CDIN1: variants seen among roughly 807,000 people sequenced by gnomAD.
CDIN1 encodes the protein CDAN1 interacting nuclease 1.
Under a neutral mutation model 45.3 loss-of-function variants are expected in CDIN1, and 33 were observed. The observed-to-expected ratio is 0.73, with a 90% CI of 0.55 to 0.97. CDIN1 has a LOEUF of 0.97. Among genes scored for constraint, CDIN1 ranks in the 50% least tolerant of loss-of-function variants. The probability of loss-of-function intolerance (pLI) is 0.00; values close to 1 mark genes in which losing one functional copy is unlikely to be tolerated. For missense variants in CDIN1, 303 were observed against 339.4 expected (o/e 0.89, Z 0.84); for synonymous variants, 118 against 124.4 (o/e 0.95, Z 0.34).
At chr15:36,796,403 G>C (rs1478150159) in intron 10 of CDIN1, among the ~76,000 whole-genome samples, 2 of 152,304 alleles carry the variant, frequency 1.3e-5, no homozygotes, top group East Asian at 3.9e-4. Context: ...ACATTTACTA[G>C]AATGCCTTAC....
intron 1 of CDIN1, among the ~76,000 whole-genome samples, chr15:36,599,589 G>T (rs1320803875): frequency 3.3e-5 from 5 of 152,210 alleles, no homozygotes; most frequent in Non-Finnish European, 7.3e-5. Context: ...TACAACATAT[G>T]TTGAGCTGCT....
chr15:36,783,562 A>T (rs1023412181), intron 10 of CDIN1, among the ~76,000 whole-genome samples: 3 of 152,126 alleles, frequency 2.0e-5, no homozygotes, highest in Non-Finnish European at 4.4e-5. Context: ...ATTATTTTTT[A>T]AATTGTTTCA....
At chr15:36,678,370 T>C (rs564684225) in intron 5 of CDIN1, among the ~76,000 whole-genome samples, 1 of 152,192 alleles carries the variant, frequency 6.6e-6, no homozygotes, top group Non-Finnish European at 1.5e-5. Flanking sequence ...TAAACCATCA[T>C]TGGAAGAAAA....
chr15:36,681,491 G>A (rs2041849612), intron 5 of CDIN1, among the ~76,000 whole-genome samples: 2 of 152,082 alleles, frequency 1.3e-5, no homozygotes, highest in Non-Finnish European at 2.9e-5. Flanking sequence ...AGAGAATAGA[G>A]GACAAAGCTG....
chr15:36,687,613 A>T (rs549619070), intron 5 of CDIN1, among the ~76,000 whole-genome samples: 2 of 152,308 alleles, frequency 1.3e-5, no homozygotes, highest in East Asian at 3.9e-4. Flanking sequence ...ACCCAACAGT[A>T]TAGTCTCCAA....
At position 36,596,962 on chromosome 15, in the gene CDIN1, A is replaced by G. The variant is rs552023371; in HGVS notation, c.101+17001A>G. Among the ~76,000 whole-genome samples, 3 of 152,334 alleles carry G rather than the reference A, an allele frequency of 2.0e-5. No individual in the cohort carries two copies. The South Asian group carries it at 6.2e-4, about 32-fold the overall frequency. On this transcript the variant is annotated intron_variant, in intron 1 of 10. Coordinates refer to ENST00000566621, the MANE Select transcript of CDIN1 (RefSeq NM_001321759.2). ...ATGTCTTAAACACACTTACATTTTT[A>G]TAACACGTGGCAATATTAAATAATA...
chr15:36,699,785 G>C (rs1033783048), intron 8 of CDIN1, among the ~76,000 whole-genome samples: 1 of 152,098 alleles, frequency 6.6e-6, no homozygotes, highest in Non-Finnish European at 1.5e-5. Context: ...CTGAGCAGTT[G>C]TTATGGCACA....
intron 10 of CDIN1, among the ~76,000 whole-genome samples, chr15:36,744,787 T>A (rs959845696): frequency 1.2e-4 from 19 of 152,292 alleles, no homozygotes; most frequent in Admixed American, 1.2e-3. Context: ...ACTGCTGTTT[T>A]GTGTACAGCT....
At chr15:36,650,187 C>T (rs905726358) in intron 3 of CDIN1, among the ~76,000 whole-genome samples, 1 of 152,288 alleles carries the variant, frequency 6.6e-6, no homozygotes, top group African/African-American at 2.4e-5. Flanking sequence ...GCAGATCTGA[C>T]CAACTGTGTG....
chr15:36,759,450 A>G (rs1362910884), intron 10 of CDIN1, among the ~76,000 whole-genome samples: 7 of 152,192 alleles, frequency 4.6e-5, no homozygotes, highest in Admixed American at 2.6e-4. Flanking sequence ...ACAATTGCTC[A>G]GATAAATATG....
chr15:36,745,872 A>G (rs113311673), intron 10 of CDIN1, among the ~76,000 whole-genome samples: 5,641 of 152,162 alleles, frequency 0.037, 352 homozygotes, highest in African/African-American at 0.13. Context: ...AGGCTAAGGC[A>G]GGAGAATCGC....
rs1423510969 is a variant in CDIN1, at chr15:36,705,892, A to G, written c.545-3331A>G. On this transcript the variant is annotated intron_variant, in intron 8 of 10. Coordinates refer to ENST00000566621, the MANE Select transcript of CDIN1 (RefSeq NM_001321759.2). ...ATTCCCAACCATTTGTGGAAGTCAT[A>G]CTAAAAGTACTATTTCAGATTATTG... is the stretch of plus-strand genomic sequence containing the variant. 3.9e-5 allele frequency: 6 copies of G among 152,202 alleles called. No individual in the cohort carries two copies. The East Asian group carries it at 1.2e-3, about 29-fold the overall frequency. 9.4% of individuals were successfully genotyped at this position (152,202 alleles called of 1,614,324 possible).
At chr15:36,791,106 C>T (rs577598502) in intron 10 of CDIN1, among the ~76,000 whole-genome samples, 2 of 152,148 alleles carry the variant, frequency 1.3e-5, no homozygotes, top group Non-Finnish European at 1.5e-5. Flanking sequence ...AGGAAAGCTC[C>T]TCAAATGAAC....
intron 10 of CDIN1, among the ~76,000 whole-genome samples, chr15:36,801,116 T>C (rs1057284942): frequency 7.9e-5 from 12 of 151,206 alleles, no homozygotes; most frequent in African/African-American, 2.4e-4. Context: ...CATTCTTCAA[T>C]TGAGAATTGT....
rs191906853 is a variant in CDIN1, at chr15:36,586,107, C to T, written c.101+6146C>T. Among the ~76,000 whole-genome samples, 8 of 152,158 alleles carry T rather than the reference C, an allele frequency of 5.3e-5. No individual in the cohort carries two copies. The East Asian group carries it at 7.7e-4, about 15-fold the overall frequency. On this transcript the variant is annotated intron_variant, in intron 1 of 10. Coordinates refer to ENST00000566621, the MANE Select transcript of CDIN1 (RefSeq NM_001321759.2). ...AGCAGGACCACCTCATGACTAGTTC[C>T]GGCTCCTAGAACCTTCGAGTACCTC...
intron 10 of CDIN1, among the ~76,000 whole-genome samples, chr15:36,720,224 A>G (rs1489235751): frequency 6.9e-6 from 1 of 145,874 alleles, no homozygotes; most frequent in African/African-American, 2.5e-5. Context: ...ATTTTTTTCC[A>G]ATATAAACAT....
At chr15:36,601,514 G>GT (rs1182878391) in intron 1 of CDIN1, among the ~76,000 whole-genome samples, 1 of 152,072 alleles carries the variant, frequency 6.6e-6, no homozygotes, top group Non-Finnish European at 1.5e-5. Context: ...TCATGAACTT[G>GT]TTTTTTCAGG....
chr15:36,749,007 C>T (rs140030172), intron 10 of CDIN1, among the ~76,000 whole-genome samples: 407 of 152,242 alleles, frequency 2.7e-3, no homozygotes, highest in Admixed American at 4.6e-3. Context: ...GAGACGGCCA[C>T]GTGATTTTCT....
chr15:36,746,489 A>C (rs1014096801), intron 10 of CDIN1, among the ~76,000 whole-genome samples: 17 of 152,122 alleles, frequency 1.1e-4, no homozygotes, highest in African/African-American at 3.4e-4. Context: ...GTACCATTTA[A>C]ATCATTTGCA....
Sources: gnomAD v4.1 joint callset for allele counts (sites outside exome capture counted in the v4.1 genomes callset) on GRCh38, gnomAD v4.1.1 for gene constraint, MANE v1.5 for transcripts, NCBI Gene and HGNC (gene_info 2026-07-23, HGNC 2026-07-21) for gene names.